Variants in CPT1A observed in about 807,000 individuals in gnomAD.
The protein encoded by CPT1A is carnitine palmitoyltransferase 1A, also known as carnitine O-palmitoyltransferase 1, liver isoform.
In CPT1A, 64 loss-of-function variants were observed where a neutral mutation model predicts 100.8. The observed-to-expected ratio is 0.63, with a 90% confidence interval of 0.52 to 0.78. The LOEUF (loss-of-function observed/expected upper bound fraction) is 0.78, where lower values mean the gene tolerates loss of function less well. CPT1A is among the 30% of genes least tolerant of loss of function. The probability of loss-of-function intolerance (pLI) is 0.00; values close to 1 mark genes in which losing one functional copy is unlikely to be tolerated. For missense variants in CPT1A, 802 were observed against 1,034.1 expected (o/e 0.78, Z 3.08); for synonymous variants, 363 against 396.0 (o/e 0.92, Z 0.99).
At chr11:68,817,309 A>G (rs1856455016) in intron 1 of CPT1A, among the ~76,000 whole-genome samples, 1 of 152,078 alleles carries the variant, frequency 6.6e-6, no homozygotes, top group Non-Finnish European at 1.5e-5. Flanking sequence ...AATCAGCCTG[A>G]CTCAGTCCTC....
chr11:68,829,543 G>A (rs1046013222), intron 1 of CPT1A, among the ~76,000 whole-genome samples: 5 of 152,204 alleles, frequency 3.3e-5, no homozygotes, highest in Non-Finnish European at 5.9e-5. Flanking sequence ...GAAAAGAGGA[G>A]GAAGAAAAGT....
At chr11:68,825,431 G>A (rs1354774155) in intron 1 of CPT1A, among the ~76,000 whole-genome samples, 1 of 152,076 alleles carries the variant, frequency 6.6e-6, no homozygotes, top group Non-Finnish European at 1.5e-5. Context: ...GCAGAGAAAC[G>A]GCGTAACCCA....
At chr11:68,817,056 G>GT (rs1856436208) in intron 1 of CPT1A, among the ~76,000 whole-genome samples, 2 of 1,916 alleles carry the variant, frequency 1.0e-3, no homozygotes, top group South Asian at 0.034. Context: ...TGGTTGTGTG[G>GT]GGGGTGGGTG....
At chr11:68,773,790 T>C (rs145400413) in intron 13 of CPT1A, 362 of 320,436 alleles carry the variant, frequency 1.1e-3, no homozygotes, top group Non-Finnish European at 1.5e-3. Context: ...TCTCAGTAGA[T>C]AGAAATGGAG....
intron 1 of CPT1A, among the ~76,000 whole-genome samples, chr11:68,826,987 C>G (rs1040990228): frequency 1.3e-5 from 2 of 151,988 alleles, no homozygotes; most frequent in Non-Finnish European, 2.9e-5. Flanking sequence ...CTTCCAAGGA[C>G]CTGGTGCTTA....
At chr11:68,818,115 G>A (rs1046552928) in intron 1 of CPT1A, among the ~76,000 whole-genome samples, 5 of 152,200 alleles carry the variant, frequency 3.3e-5, no homozygotes, top group Non-Finnish European at 7.3e-5. Flanking sequence ...TTAAGAAGCT[G>A]AGGCTGTCTT....
In CPT1A at chr11:68,760,338, C is replaced by T; in HGVS notation, c.2029G>A (p.Val677Ile). ...GATAATCTCCAAGGCTCAGATAAAA[C>T]CTATTGAGTGAAACAGGGAAATGTT... ...LAVESPFLKE[V>I]LSEPWRLSTS... is the part of the protein sequence containing the mutation. The change falls in exon 17 of 19, where the codon GTT (valine) becomes ATT (isoleucine). Residue 677 changes from valine (V) to isoleucine (I), a missense_variant and splice_region_variant. Transcript: ENST00000265641. 6.2e-7 allele frequency: 1 copy of T among 1,607,632 alleles called. No individual in the cohort carries two copies. The highest frequency in any genetic ancestry group is 8.5e-7 in the Non-Finnish European group (1 of 1,176,422).
Position 68,762,588 on chromosome 11 carries a change from T to C in CPT1A, c.1875+39A>G, listed in dbSNP as rs1443454784. ...CCTCCAGAAGCCTTTTAGGGAAGTG[T>C]GACAAGCACGTTGTGTCCTCAGCCT... On this transcript the variant is annotated intron_variant, in intron 15 of 18. Transcript: ENST00000265641. The C allele has an allele frequency of 6.2e-6, 10 of 1,610,862 alleles. No homozygotes were observed. The African/African-American group carries it at 1.3e-4, about 21-fold the overall frequency.
At chr11:68,831,962 C>T (rs1489851529) in intron 1 of CPT1A, among the ~76,000 whole-genome samples, 1 of 152,136 alleles carries the variant, frequency 6.6e-6, no homozygotes, top group African/African-American at 2.4e-5. Flanking sequence ...AACCCTTTGG[C>T]ATATGCTAGA....
chr11:68,812,173 G>A (rs771487348), intron 3 of CPT1A, among the ~76,000 whole-genome samples: 2 of 152,134 alleles, frequency 1.3e-5, no homozygotes, highest in Non-Finnish European at 2.9e-5. Context: ...CAAACCCTCG[G>A]GCCCTGACAC....
rs75082086 is a variant in CPT1A, at chr11:68,811,312, C to A, written c.281+1125G>T. On this transcript the variant is annotated intron_variant, in intron 3 of 18. Coordinates refer to ENST00000265641, the MANE Select transcript of CPT1A (RefSeq NM_001876.4). Reference sequence around the variant, plus strand: ...CCACCGTGTCCAAATGGCAAAAATGCCATTGGTGTAAACAAGCAGCACAGA... The same window carrying A: ...CCACCGTGTCCAAATGGCAAAAATGACATTGGTGTAAACAAGCAGCACAGA... Among the ~76,000 whole-genome samples, 664 of 152,210 alleles carry A rather than the reference C, an allele frequency of 4.4e-3. 4 individuals are homozygous for A. The highest frequency in any genetic ancestry group is 0.015 in the African/African-American group (618 of 41,518).
chr11:68,761,428 T>G, intron 16 of CPT1A, 107 bp downstream of exon 16: 1 of 1,341,810 alleles, frequency 7.5e-7, no homozygotes, highest in Non-Finnish European at 1.1e-6. Context: ...GACCCGTTTT[T>G]TTCAAATGCC....
At chr11:68,778,539 T>C (rs760257166) in intron 12 of CPT1A, among the ~76,000 whole-genome samples, 46 of 151,806 alleles carry the variant, frequency 3.0e-4, no homozygotes, top group Non-Finnish European at 5.7e-4. Context: ...TTTATATATA[T>C]ATAAAAATTA....
At chr11:68,835,565 C>G (rs1353899618) in intron 1 of CPT1A, among the ~76,000 whole-genome samples, 3 of 152,252 alleles carry the variant, frequency 2.0e-5, no homozygotes, top group African/African-American at 4.8e-5. Flanking sequence ...ACTCAAAACT[C>G]TCTTCACATC....
In CPT1A at chr11:68,841,647, C is replaced by T. The variant is rs761048702; in HGVS notation, c.-14+128G>A. On this transcript the variant is annotated intron_variant, in intron 1 of 18. Transcript: ENST00000265641. This position sits in a 1 kb window ranked among gnomAD's most constrained non-coding sequence, Gnocchi z 6.3. The stretch of plus-strand genomic sequence containing the variant: ...GGGGGAATACCGGGGTTCCTCTCGG[C>T]GCCCCGGTTCCGGCGGCGTCCCCCA... The T allele has an allele frequency of 4.8e-5, 20 of 412,752 alleles. No homozygotes were observed. Among genetic ancestry groups the T allele is most frequent in the Non-Finnish European group, 5.6e-5 (17 of 305,812 alleles). 25.6% of individuals were successfully genotyped at this position (412,752 alleles called of 1,614,324 possible).
intron 18 of CPT1A, among the ~76,000 whole-genome samples, chr11:68,758,015 G>A (rs1368732199): frequency 6.6e-6 from 1 of 152,138 alleles, no homozygotes; most frequent in Admixed American, 6.5e-5. Context: ...TGAGCATGGT[G>A]GCTCATGCCT....
Position 68,841,724 on chromosome 11 carries a change from G to A in CPT1A, c.-14+51C>T, listed in dbSNP as rs1294462307. ...GCCCCGCCCGTCCCCGGCCCCCGCA[G>A]CCCGCAGGGCCGCCCCGCCACCCTC... is the stretch of plus-strand genomic sequence containing the variant. On this transcript the variant is annotated intron_variant, in intron 1 of 18. Coordinates refer to ENST00000265641, the MANE Select transcript of CPT1A (RefSeq NM_001876.4). This position sits in a 1 kb window ranked among gnomAD's most constrained non-coding sequence, Gnocchi z 6.3. 2 of 923,462 alleles carry A rather than the reference G, an allele frequency of 2.2e-6. No homozygotes were observed. Among genetic ancestry groups the A allele is most frequent in the Admixed American group, 6.2e-5 (1 of 16,084 alleles). 57.2% of individuals were successfully genotyped at this position (923,462 alleles called of 1,614,324 possible). A position where few individuals can be genotyped will look rare whatever the true frequency, so the allele number is the denominator to read the frequency against.
chr11:68,841,687 C>T lies in CPT1A; in HGVS notation c.-14+88G>A. 2 of 729,564 alleles carry T rather than the reference C, an allele frequency of 2.7e-6. No homozygotes were observed. The highest frequency in any genetic ancestry group is 3.4e-6 in the Non-Finnish European group (2 of 595,712). The allele number at this position is 729,564 out of a possible 1,614,324, so 45.2% of individuals were successfully genotyped here. The stretch of plus-strand genomic sequence containing the variant: ...GGCGTCCCCCACCCGGTCCGGTTCC[C>T]GGCAGCCCCGCGCCCCGCCCGTCCC... On this transcript the variant is annotated intron_variant, in intron 1 of 18. Transcript: ENST00000265641. This position sits in a 1 kb window ranked among gnomAD's most constrained non-coding sequence, Gnocchi z 6.3.
In CPT1A at chr11:68,784,915, T is replaced by C; in HGVS notation, c.1063A>G (p.Lys355Glu). ...VWLYHDGRLL[K>E]PREMEQQMQR... The stretch of plus-strand genomic sequence containing the variant: ...ATCTGCTGCTCCATCTCCCGGGGCT[T>C]CAGCAGCCGCCCATCATGGTAGAGC... Residue 355 changes from lysine (K) to glutamate (E), a missense_variant, in exon 10 of 19, where the codon AAG (lysine) becomes GAG (glutamate). Transcript: ENST00000265641. The C allele has an allele frequency of 1.2e-6, 2 of 1,614,096 alleles. No individual in the cohort carries two copies. The highest frequency in any genetic ancestry group is 1.7e-6 in the Non-Finnish European group (2 of 1,180,016).
Sources: gnomAD v4.1 joint callset for allele counts (sites outside exome capture counted in the v4.1 genomes callset) on GRCh38, gnomAD v4.1.1 for gene constraint, Gnocchi (gnomAD v3.1) non-coding constraint, MANE v1.5 for transcripts, NCBI Gene and HGNC (gene_info 2026-07-23, HGNC 2026-07-21) for gene names.